The following G3BP1 variants were observed in gnomAD, a reference collection of about 807,000 sequenced individuals.
The protein encoded by G3BP1 is ras GTPase-activating protein-binding protein 1.
Under a neutral mutation model 58.6 loss-of-function variants are expected in G3BP1, and 35 were observed. That is an observed-to-expected ratio of 0.60 (90% CI 0.46 to 0.79). The LOEUF (loss-of-function observed/expected upper bound fraction) is 0.79. G3BP1 is among the 30% of genes least tolerant of loss of function. G3BP1 has a pLI of 0.00. For synonymous variants in G3BP1, 191 were observed against 195.4 expected (o/e 0.98, Z 0.19); for missense variants, 523 against 580.8 (o/e 0.90, Z 1.02).
chr5:151,800,346 A>T lies in G3BP1; in HGVS notation c.1084A>T (p.Ser362Cys). The T allele has an allele frequency of 6.2e-7, 1 of 1,612,970 alleles. No homozygotes were observed. Among genetic ancestry groups the T allele is most frequent in the Non-Finnish European group, 8.5e-7 (1 of 1,179,008 alleles). ...DKSELKDFFQ[S>C]YGNVVELRIN... is the part of the protein sequence containing the mutation. ...ATCAGAGCTTAAAGATTTCTTTCAAAGTAGGTTATTGAGTTTTGAACACTA... is the reference window on the plus strand; with the variant it reads ...ATCAGAGCTTAAAGATTTCTTTCAATGTAGGTTATTGAGTTTTGAACACTA... The change falls in exon 10 of 12, where the codon AGT becomes TGT. Residue 362 changes from serine to cysteine, a missense_variant and splice_region_variant. Coordinates refer to ENST00000356245, the MANE Select transcript of G3BP1 (RefSeq NM_005754.3).
intron 1 of G3BP1, 148 bp from the exon 2 acceptor site, chr5:151,786,424 A>C (rs568058957): frequency 3.7e-6 from 2 of 537,308 alleles, no homozygotes; most frequent in African/African-American, 3.8e-5. Context: ...ATTGCAATAC[A>C]TTTGTATAAA....
chr5:151,772,126 G>T (rs1229038509), intron 1 of G3BP1, 90 bp downstream of exon 1: 1 of 151,856 alleles, frequency 6.6e-6, no homozygotes, highest in Non-Finnish European at 1.5e-5. Context: ...TGGCGCTCGC[G>T]GCGGCCGCGC....
At chr5:151,793,014 G>A (rs1762686816) in intron 4 of G3BP1, among the ~76,000 whole-genome samples, 1 of 152,118 alleles carries the variant, frequency 6.6e-6, no homozygotes, top group African/African-American at 2.4e-5. Flanking sequence ...CCTACTGCGA[G>A]CAATCTTTTT....
At chr5:151,777,650 T>A (rs1029563801) in intron 1 of G3BP1, among the ~76,000 whole-genome samples, 9 of 152,232 alleles carry the variant, frequency 5.9e-5, no homozygotes, top group Admixed American at 4.6e-4. Flanking sequence ...GAGGATTACT[T>A]GAGCCCAGAT....
rs1438660788 is a variant in G3BP1, at chr5:151,809,062, C to T, written c.*4971C>T. The T allele has an allele frequency of 6.6e-6, 1 of 152,084 alleles. No individual in the cohort carries two copies. The highest frequency in any genetic ancestry group is 2.4e-5 in the African/African-American group (1 of 41,378). The allele number at this position is 152,084 out of a possible 1,614,324, so 9.4% of individuals were successfully genotyped here. A position where few individuals can be genotyped will look rare whatever the true frequency, so the allele number is the denominator to read the frequency against. On this transcript the variant is annotated 3_prime_UTR_variant, in exon 12 of 12. Transcript: ENST00000356245. The stretch of plus-strand genomic sequence containing the variant: ...TGTGGTGGCGCATTCCTATAGTCTC[C>T]GTCTCTCAGGAGGCTGAGGCAGGAG...
intron 2 of G3BP1, among the ~76,000 whole-genome samples, chr5:151,789,875 A>G (rs925974421): frequency 2.0e-5 from 3 of 152,294 alleles, no homozygotes; most frequent in African/African-American, 7.2e-5. Flanking sequence ...AAGATGAAAA[A>G]GAAAACGTTT....
rs180824997 is a variant in G3BP1 at position 151,794,221 on chromosome 5, T to G, written c.414T>G (p.Phe138Leu). The part of the protein sequence containing the change: ...NDIFRYQDEV[F>L]GGFVTEPQEE... ...TCTTCAGATACCAAGATGAGGTCTT[T>G]GGTGGGTTTGTCACTGAGCCTCAGG... Residue 138 changes from phenylalanine to leucine, a missense_variant, in exon 5 of 12, where the codon TTT becomes TTG. Around this residue, in one of 2 missense-constraint regions of G3BP1, gnomAD observed 398 missense variants for 399.1 expected, o/e 1.00. Coordinates refer to ENST00000356245, the MANE Select transcript of G3BP1 (RefSeq NM_005754.3). 6.2e-7 allele frequency: 1 copy of G among 1,609,448 alleles called. No individual in the cohort carries two copies. The highest frequency in any genetic ancestry group is 8.5e-7 in the Non-Finnish European group (1 of 1,175,818).
At chr5:151,788,522 C>T (rs10074443) in intron 2 of G3BP1, among the ~76,000 whole-genome samples, 29,759 of 149,302 alleles carry the variant, frequency 0.2, 3,482 homozygotes, top group African/African-American at 0.33. Context: ...CCTCAGCTTC[C>T]TACATAGCTA....
Position 151,811,132 on chromosome 5 carries a change from C to A in G3BP1, c.*7041C>A, listed in dbSNP as rs1387274093. ...AGTCTTTCCCGTCTTTCTTCCTCAC[C>A]TATGTAATTTCAGTAGTCTCTCAGC... On this transcript the variant is annotated 3_prime_UTR_variant, in exon 12 of 12. Coordinates refer to ENST00000356245, the MANE Select transcript of G3BP1 (RefSeq NM_005754.3). The A allele has an allele frequency of 6.6e-6, 1 of 152,210 alleles. No homozygotes were observed. Among genetic ancestry groups the A allele is most frequent in the Admixed American group, 6.5e-5 (1 of 15,268 alleles). The allele number at this position is 152,210 out of a possible 1,614,324, so 9.4% of individuals were successfully genotyped here.
rs751822131 is a variant in G3BP1 at position 151,795,483 on chromosome 5, TGAA to T, written c.455_457del (p.Glu152del). 6.5e-6 allele frequency: 10 copies of T among 1,537,900 alleles called. No homozygotes were observed. The highest frequency in any genetic ancestry group is 1.7e-5 in the Admixed American group (1 of 58,668). On this transcript the variant is annotated inframe_deletion, in exon 6 of 12. Transcript: ENST00000356245. Reference sequence around the variant, plus strand: ...AAATATCTTTTTCTCACTTAGAGTCTGAAGAAGAAGTAGAGGAACCTGAAGAAA... The same window carrying T: ...AAATATCTTTTTCTCACTTAGAGTCTGAAGAAGTAGAGGAACCTGAAGAAA...
At chr5:151,798,982 C>G (rs905177663) in intron 7 of G3BP1, among the ~76,000 whole-genome samples, 3 of 152,056 alleles carry the variant, frequency 2.0e-5, no homozygotes, top group Non-Finnish European at 4.4e-5. Context: ...TGAGTAGTTT[C>G]TTGAACCTAA....
chr5:151,795,299 A>T (rs926022136), intron 5 of G3BP1, among the ~76,000 whole-genome samples, 180 bp from the exon 6 acceptor site: 2 of 152,200 alleles, frequency 1.3e-5, no homozygotes, highest in African/African-American at 2.4e-5. Context: ...AACAAAAAAA[A>T]GTCTGTTCTT....
Position 151,780,275 on chromosome 5 carries a change from T to C in G3BP1, c.-49-6297T>C, listed in dbSNP as rs79528522. ...CCATTTCATTTGCCTGTTTTTCTCT[T>C]GGGTTACTCTTTTAGTGATTTGTAT... is the stretch of plus-strand genomic sequence containing the variant. On this transcript the variant is annotated intron_variant, in intron 1 of 11. Transcript: ENST00000356245. Among the ~76,000 whole-genome samples the C allele has an allele frequency of 1.7e-3, 257 of 152,358 alleles. 4 individuals carry two copies. The highest frequency in any genetic ancestry group is 0.015 in the East Asian group (79 of 5,196).
chr5:151,792,022 A>T, intron 4 of G3BP1: 1 of 439,802 alleles, frequency 2.3e-6, no homozygotes, highest in Non-Finnish European at 4.5e-6. Flanking sequence ...TTTCTTGAAC[A>T]CTTATGGCAA....
Position 151,771,981 on chromosome 5 carries a change from G to A in G3BP1, c.-105G>A, listed in dbSNP as rs1170612945. On this transcript the variant is annotated 5_prime_UTR_variant, in exon 1 of 12. Coordinates refer to ENST00000356245, the MANE Select transcript of G3BP1 (RefSeq NM_005754.3). ...GCGGACGCAGTTGCGTGAGGGGTTT[G>A]TACTATCCTCGGTGCTGTGGTGCAG... The A allele has an allele frequency of 6.6e-6, 1 of 152,542 alleles. No homozygotes were observed. Among genetic ancestry groups the A allele is most frequent in the Non-Finnish European group, 1.5e-5 (1 of 68,286 alleles). The allele number at this position is 152,542 out of a possible 1,614,324, so 9.4% of individuals were successfully genotyped here.
At chr5:151,782,555 A>G (rs1762485614) in intron 1 of G3BP1, among the ~76,000 whole-genome samples, 1 of 152,164 alleles carries the variant, frequency 6.6e-6, no homozygotes, top group Non-Finnish European at 1.5e-5. Flanking sequence ...TTCAACATCC[A>G]TTGGTGTATG....
At chr5:151,801,026 T>TG (rs1762841327) in intron 11 of G3BP1, among the ~76,000 whole-genome samples, 157 bp downstream of exon 11, 3 of 152,282 alleles carry the variant, frequency 2.0e-5, no homozygotes, top group Admixed American at 6.5e-5. Context: ...TTAAAAGACT[T>TG]GCCTGGGGGT....
In G3BP1 at chr5:151,800,816, G is replaced by T; in HGVS notation, c.1141G>T (p.Gly381Cys). The T allele has an allele frequency of 3.7e-6, 6 of 1,612,948 alleles. No individual in the cohort carries two copies. Among genetic ancestry groups the T allele is most frequent in the Non-Finnish European group, 5.1e-6 (6 of 1,179,312 alleles). Residue 381 changes from glycine to cysteine, a missense_variant, in exon 11 of 12, where the codon GGT (glycine) becomes TGT (cysteine). Physicochemically the swap from Gly to Cys is radical, Grantham distance 159. Around this residue, in one of 2 missense-constraint regions of G3BP1, gnomAD observed 125 missense variants for 181.7 expected, o/e 0.69. Transcript: ENST00000356245. ...INSGGKLPNF[G>C]FVVFDDSEPV... ...CAGTGGTGGGAAATTACCCAATTTT[G>T]GTTTTGTTGTGTTTGATGATTCTGA...
At chr5:151,790,815 T>G (rs1762638488) in intron 3 of G3BP1, 74 bp from the exon 4 acceptor site, 1 of 855,118 alleles carries the variant, frequency 1.2e-6, no homozygotes, top group Non-Finnish European at 1.8e-6. Flanking sequence ...GTTGGAAGGT[T>G]TTTTTTAGTT....
Sources: allele counts gnomAD v4.1 joint callset (sites outside exome capture counted in the v4.1 genomes callset), GRCh38; gene constraint gnomAD v4.1.1; regional missense constraint gnomAD v4.1.1; transcripts MANE v1.5; gene names NCBI Gene and HGNC (gene_info 2026-07-23, HGNC 2026-07-21).